The following CALN1 variants were observed in gnomAD, a reference collection of about 807,000 sequenced individuals.
The protein encoded by CALN1 is calcium-binding protein 8.
A neutral mutation model predicts 30.6 loss-of-function variants in CALN1; 17 were observed. The observed-to-expected ratio is 0.56, with a 90% confidence interval of 0.38 to 0.83. The LOEUF is 0.83. Among genes scored for constraint, CALN1 ranks in the 40% least tolerant of loss-of-function variants. The pLI is 0.00. For missense variants in CALN1, 291 were observed against 354.9 expected, an observed-to-expected ratio of 0.82 and a Z score of 1.45; for synonymous variants, 156 against 131.4, an observed-to-expected ratio of 1.19 and a Z score of -1.28.
chr7:72,046,250 T>C (rs1802464489), intron 4 of CALN1, among the ~76,000 whole-genome samples: 1 of 152,010 alleles, frequency 6.6e-6, no homozygotes, highest in Non-Finnish European at 1.5e-5. Flanking sequence ...CCTTCTTTTT[T>C]TGGAGACAAG....
At chr7:72,467,439 G>C in the CALN1 span, among the ~76,000 whole-genome samples, 1 of 152,174 alleles carries the variant, frequency 6.6e-6, no homozygotes, top group Non-Finnish European at 1.5e-5. Flanking sequence ...AGCTCGGCCA[G>C]GACTCCTGGG....
chr7:72,275,271 A>G (rs1585330860), intron 3 of CALN1, among the ~76,000 whole-genome samples: 2 of 152,090 alleles, frequency 1.3e-5, no homozygotes, highest in South Asian at 4.1e-4. Context: ...CTGAGGGTAA[A>G]TGAGTGCCCC....
intron 5 of CALN1, among the ~76,000 whole-genome samples, chr7:71,851,302 G>A (rs1005982956): frequency 1.3e-5 from 2 of 151,002 alleles, no homozygotes; most frequent in African/African-American, 4.9e-5. Flanking sequence ...GACCACTTGA[G>A]GTCAGGAGTT....
chr7:72,468,259 T>C, the CALN1 span, among the ~76,000 whole-genome samples: 1 of 152,244 alleles, frequency 6.6e-6, no homozygotes, highest in East Asian at 1.9e-4. Context: ...TGGGGCATAT[T>C]CCTAAGAGGG....
At chr7:72,468,068 A>G in the CALN1 span, among the ~76,000 whole-genome samples, 2 of 152,214 alleles carry the variant, frequency 1.3e-5, no homozygotes, top group Non-Finnish European at 2.9e-5. Flanking sequence ...TGTTGCATGT[A>G]TAAGTACTTC....
intron 3 of CALN1, among the ~76,000 whole-genome samples, chr7:72,148,561 T>C (rs1219077394): frequency 6.6e-6 from 1 of 152,086 alleles, no homozygotes; most frequent in Non-Finnish European, 1.5e-5. Flanking sequence ...ATTGTGCCAC[T>C]GCACTCCACC....
chr7:71,789,799 A>G (rs1793210610), intron 6 of CALN1, among the ~76,000 whole-genome samples: 1 of 152,160 alleles, frequency 6.6e-6, no homozygotes, highest in African/African-American at 2.4e-5. Flanking sequence ...TATGGGCCAG[A>G]AACAGATAAA....
chr7:72,356,787 G>A (rs1378816609), intron 2 of CALN1, among the ~76,000 whole-genome samples: 1 of 151,896 alleles, frequency 6.6e-6, no homozygotes, highest in Non-Finnish European at 1.5e-5. Context: ...AAATATATTA[G>A]CTAAAAACTG....
chr7:72,324,568 ATTTATT>A (rs1475172462), intron 2 of CALN1, among the ~76,000 whole-genome samples: 99 of 73,194 alleles, frequency 1.4e-3, no homozygotes, highest in Non-Finnish European at 3.5e-3. Context: ...TAATTTATTT[ATTTATT>A]TATTTATTTA....
intron 2 of CALN1, among the ~76,000 whole-genome samples, chr7:72,283,662 T>G (rs1797881709): frequency 6.6e-6 from 1 of 152,158 alleles, no homozygotes; most frequent in Non-Finnish European, 1.5e-5. Flanking sequence ...CATGGATGAA[T>G]TAGATTGATG....
intron 2 of CALN1, among the ~76,000 whole-genome samples, chr7:72,370,396 G>GAC (rs1804157682): frequency 6.6e-6 from 1 of 151,938 alleles, no homozygotes; most frequent in African/African-American, 2.4e-5. Context: ...TCCTTTATAA[G>GAC]ACATGTGATT....
At chr7:72,050,952 A>G (rs1802794223) in intron 4 of CALN1, among the ~76,000 whole-genome samples, 1 of 151,874 alleles carries the variant, frequency 6.6e-6, no homozygotes, top group Non-Finnish European at 1.5e-5. Flanking sequence ...CGGTTGTGCC[A>G]CTACTGCATT....
chr7:72,164,349 CAAAAA>C (rs71531792), intron 3 of CALN1, among the ~76,000 whole-genome samples: 32 of 117,444 alleles, frequency 2.7e-4, no homozygotes, highest in Admixed American at 3.6e-4. Flanking sequence ...AACACTCCGT[CAAAAA>C]AAAAAAAAAA....
At chr7:72,113,526 T>C (rs1218790558) in intron 3 of CALN1, among the ~76,000 whole-genome samples, 3 of 152,238 alleles carry the variant, frequency 2.0e-5, no homozygotes, top group African/African-American at 7.2e-5. Context: ...CAGGCAATAT[T>C]GCAATGGGCC....
At chr7:72,210,921 G>A (rs573844666) in intron 3 of CALN1, among the ~76,000 whole-genome samples, 1 of 151,994 alleles carries the variant, frequency 6.6e-6, no homozygotes, top group South Asian at 2.1e-4. Flanking sequence ...CTGGGATGGT[G>A]GTACAAGCTT....
chr7:71,789,358 A>G (rs1438782424), intron 6 of CALN1, among the ~76,000 whole-genome samples: 1 of 152,150 alleles, frequency 6.6e-6, no homozygotes, highest in Non-Finnish European at 1.5e-5. Context: ...CAGAGGTTGC[A>G]GTGAGCTGAG....
chr7:71,896,205 G>A (rs965267910), intron 5 of CALN1, among the ~76,000 whole-genome samples: 8 of 152,146 alleles, frequency 5.3e-5, no homozygotes, highest in Non-Finnish European at 1.0e-4. Flanking sequence ...GGAGGGACGT[G>A]ATTTGATTGG....
chr7:72,160,190 A>G (rs1787998766), intron 3 of CALN1, among the ~76,000 whole-genome samples: 1 of 151,898 alleles, frequency 6.6e-6, no homozygotes, highest in Admixed American at 6.6e-5. Context: ...ATAAAATATG[A>G]CTCCCTGATG....
At chr7:72,394,124 CTT>C (rs929874623) in intron 2 of CALN1, among the ~76,000 whole-genome samples, 18 of 152,240 alleles carry the variant, frequency 1.2e-4, no homozygotes, top group African/African-American at 4.3e-4. Flanking sequence ...AGAATTTACA[CTT>C]TGTGCATATA....
Sources: gnomAD v4.1 joint callset for allele counts (sites outside exome capture counted in the v4.1 genomes callset) on GRCh38, gnomAD v4.1.1 for gene constraint, MANE v1.5 for transcripts, NCBI Gene and HGNC (gene_info 2026-07-23, HGNC 2026-07-21) for gene names.